HEXIM1: variants seen among roughly 807,000 people sequenced by gnomAD.
HEXIM1 encodes protein HEXIM1.
Under a neutral mutation model 30.3 loss-of-function variants are expected in HEXIM1, and 1 was observed. That is an observed-to-expected ratio of 0.03 (90% confidence interval 0.01 to 0.16). The LOEUF is 0.16. HEXIM1 is among the 10% of genes least tolerant of loss of function. The pLI is 1.00. For synonymous variants in HEXIM1, 245 were observed against 208.3 expected, an observed-to-expected ratio of 1.18 and a Z score of -1.52; for missense variants, 391 against 476.4, an observed-to-expected ratio of 0.82 and a Z score of 1.67.
At position 45,148,667 on chromosome 17, in the gene HEXIM1, C is replaced by T. The variant is rs1481064118; in HGVS notation, c.-524C>T. On this transcript the variant is annotated 5_prime_UTR_variant, in exon 1 of 1. Transcript: ENST00000332499. ...TCCTCTGCTGAGGCTACGGCCGGGCCTAGGGAACTGGGAGCTTGGGTGGAA... is the reference window on the plus strand; with the variant it reads ...TCCTCTGCTGAGGCTACGGCCGGGCTTAGGGAACTGGGAGCTTGGGTGGAA... The T allele has an allele frequency of 2.5e-6, 1 of 400,862 alleles. No homozygotes were observed. Among genetic ancestry groups the T allele is most frequent in the African/African-American group, 2.1e-5 (1 of 48,618 alleles). 24.8% of individuals were successfully genotyped at this position (400,862 alleles called of 1,614,324 possible).
rs775768080 is a variant in HEXIM1 at position 45,148,497 on chromosome 17, G to A, written c.-694G>A. The A allele has an allele frequency of 5.3e-5, 21 of 398,154 alleles. No homozygotes were observed. Among genetic ancestry groups the A allele is most frequent in the Non-Finnish European group, 8.9e-5 (20 of 225,924 alleles). The allele number at this position is 398,154 out of a possible 1,614,324, so 24.7% of individuals were successfully genotyped here. On this transcript the variant is annotated 5_prime_UTR_variant, in exon 1 of 1. Transcript: ENST00000332499. ...GACAGCAGTTGGAAGTTGGCAGGTG[G>A]AGAGGCAGGTTGGGAGGGAAAGTCG... is the stretch of plus-strand genomic sequence containing the variant.
chr17:45,150,057 G>A lies in HEXIM1; in HGVS notation c.867G>A (p.Lys289=), dbSNP rs1358035829. 6.8e-6 allele frequency: 11 copies of A among 1,614,026 alleles called. No homozygotes were observed. The highest frequency in any genetic ancestry group is 5.0e-5 in the Admixed American group (3 of 60,028). Residue 289 remains lysine, a synonymous_variant, in exon 1 of 1, where the codon AAG becomes AAA. Transcript: ENST00000332499. ...LQNMSKQELI[K]EYLELEKCLS... ...ACATGAGCAAGCAGGAGCTCATCAA[G>A]GAGTACCTGGAACTGGAGAAGTGCC...
Position 45,150,351 on chromosome 17 carries a change from A to T in HEXIM1, c.*81A>T. 1.4e-6 allele frequency: 2 copies of T among 1,466,054 alleles called. No individual in the cohort carries two copies. Among genetic ancestry groups the T allele is most frequent in the Non-Finnish European group, 9.2e-7 (1 of 1,083,752 alleles). 90.8% of individuals were successfully genotyped at this position (1,466,054 alleles called of 1,614,324 possible). A position where few individuals can be genotyped will look rare whatever the true frequency, so the allele number is the denominator to read the frequency against. ...AACATTATATACATGTGTATATAAG[A>T]CAGTGGACCTTTTTATGACACATAA... On this transcript the variant is annotated 3_prime_UTR_variant, in exon 1 of 1. Coordinates refer to ENST00000332499, the MANE Select transcript of HEXIM1 (RefSeq NM_006460.3).
Position 45,150,098 on chromosome 17 carries a change from A to C in HEXIM1, c.908A>C (p.Asp303Ala). 1 of 1,613,846 alleles carries C rather than the reference A, an allele frequency of 6.2e-7. No individual in the cohort carries two copies. Among genetic ancestry groups the C allele is most frequent in the Non-Finnish European group, 8.5e-7 (1 of 1,180,022 alleles). ...ELEKCLSRME[D>A]ENNRLRLESK... is the part of the protein sequence containing the mutation. ...GAGAAGTGCCTCTCGCGCATGGAGGACGAGAACAACCGGCTGCGGCTGGAG... is the reference window on the plus strand; with the variant it reads ...GAGAAGTGCCTCTCGCGCATGGAGGCCGAGAACAACCGGCTGCGGCTGGAG... Residue 303 changes from aspartate (D) to alanine (A), a missense_variant, in exon 1 of 1, where the codon GAC (aspartate) becomes GCC (alanine). Around this residue, in one of 5 missense-constraint regions of HEXIM1, gnomAD observed 73 missense variants for 80.9 expected, o/e 0.90. Coordinates refer to ENST00000332499, the MANE Select transcript of HEXIM1 (RefSeq NM_006460.3).
At position 45,150,445 on chromosome 17, in the gene HEXIM1, GTTCT is replaced by G. The variant is rs1404585421; in HGVS notation, c.*178_*181del. The G allele has an allele frequency of 1.5e-6, 1 of 653,740 alleles. No homozygotes were observed. The highest frequency in any genetic ancestry group is 2.5e-6 in the Non-Finnish European group (1 of 392,576). 40.5% of individuals were successfully genotyped at this position (653,740 alleles called of 1,614,324 possible). A position where few individuals can be genotyped will look rare whatever the true frequency, so the allele number is the denominator to read the frequency against. ...ATATGTAGCTTGCGTGCTTTCTCCTGTTCTTTTAATTATGTGAAACTGAAGAGTT... is the reference window on the plus strand; with the variant it reads ...ATATGTAGCTTGCGTGCTTTCTCCTGTTTAATTATGTGAAACTGAAGAGTT... On this transcript the variant is annotated 3_prime_UTR_variant, in exon 1 of 1. Transcript: ENST00000332499.
At position 45,150,786 on chromosome 17, in the gene HEXIM1, T is replaced by C. The variant is rs1030224175; in HGVS notation, c.*516T>C. 3 of 168,924 alleles carry C rather than the reference T, an allele frequency of 1.8e-5. No individual in the cohort carries two copies. Among genetic ancestry groups the C allele is most frequent in the African/African-American group, 7.2e-5 (3 of 41,430 alleles). 10.5% of individuals were successfully genotyped at this position (168,924 alleles called of 1,614,324 possible). The stretch of plus-strand genomic sequence containing the variant: ...AAATATCAATCTTTAATGGGAGAAT[T>C]TTCAATTTGCCAATTTTTTCCTTGA... On this transcript the variant is annotated 3_prime_UTR_variant, in exon 1 of 1. Coordinates refer to ENST00000332499, the MANE Select transcript of HEXIM1 (RefSeq NM_006460.3).
rs760170895 is a variant in HEXIM1 at position 45,149,356 on chromosome 17, G to C, written c.166G>C (p.Gly56Arg). 4 of 1,613,368 alleles carry C rather than the reference G, an allele frequency of 2.5e-6. No homozygotes were observed. The African/African-American group carries it at 5.3e-5, about 22-fold the overall frequency. ...RWQSRAFPQL[G>R]GRPGPEGEGS... Reference sequence around the variant, plus strand: ...GCAATCGAGAGCGTTCCCCCAGTTGGGTGGCCGTCCGGGGCCGGAGGGGGA... The same window carrying C: ...GCAATCGAGAGCGTTCCCCCAGTTGCGTGGCCGTCCGGGGCCGGAGGGGGA... Residue 56 changes from glycine to arginine, a missense_variant, in exon 1 of 1, where the codon GGT becomes CGT. By Grantham distance (125) the Gly-to-Arg change is moderately radical (BLOSUM62 -2). Around this residue, in one of 5 missense-constraint regions of HEXIM1, gnomAD observed 230 missense variants for 199.4 expected, o/e 1.15. Transcript: ENST00000332499. This position sits in a 1 kb window ranked among gnomAD's most constrained non-coding sequence, Gnocchi z 5.3.
chr17:45,149,148 C>G lies in HEXIM1; in HGVS notation c.-43C>G. 5 of 1,496,038 alleles carry G rather than the reference C, an allele frequency of 3.3e-6. No homozygotes were observed. In the South Asian group the frequency reaches 6.5e-5, roughly 19 times the overall value. 92.7% of individuals were successfully genotyped at this position (1,496,038 alleles called of 1,614,324 possible). A position where few individuals can be genotyped will look rare whatever the true frequency, so the allele number is the denominator to read the frequency against. On this transcript the variant is annotated 5_prime_UTR_variant, in exon 1 of 1. Coordinates refer to ENST00000332499, the MANE Select transcript of HEXIM1 (RefSeq NM_006460.3). The surrounding 1 kb of genome is among the most constrained non-coding windows in gnomAD (Gnocchi z 5.3). ...AAAAACCCATTTTTTTCCTTAAGGA[C>G]TTACTAGCCAAAATTTCTTAAACTT...
Position 45,149,165 on chromosome 17 carries a change from CTTA to C in HEXIM1, c.-25_-23del, listed in dbSNP as rs1267432787. The C allele has an allele frequency of 6.8e-7, 1 of 1,463,344 alleles. No individual in the cohort carries two copies. Among genetic ancestry groups the C allele is most frequent in the Non-Finnish European group, 9.0e-7 (1 of 1,105,842 alleles). 90.6% of individuals were successfully genotyped at this position (1,463,344 alleles called of 1,614,324 possible). Reference sequence around the variant, plus strand: ...CTTAAGGACTTACTAGCCAAAATTTCTTAAACTTCGAGGACTCTACTAGCCATG... The same window carrying C: ...CTTAAGGACTTACTAGCCAAAATTTCAACTTCGAGGACTCTACTAGCCATG... On this transcript the variant is annotated 5_prime_UTR_variant, in exon 1 of 1. Transcript: ENST00000332499. This position sits in a 1 kb window ranked among gnomAD's most constrained non-coding sequence, Gnocchi z 5.3.
In HEXIM1 at chr17:45,148,775, G is replaced by T; in HGVS notation, c.-416G>T. 2.5e-6 allele frequency: 1 copy of T among 402,986 alleles called. No homozygotes were observed. 25.0% of individuals were successfully genotyped at this position (402,986 alleles called of 1,614,324 possible). A position where few individuals can be genotyped will look rare whatever the true frequency, so the allele number is the denominator to read the frequency against. ...TGCGGCAGGGGATTTAACCCTTTGT[G>T]GATCTGGCCCCTCGGAGGCAGCGTC... On this transcript the variant is annotated 5_prime_UTR_variant, in exon 1 of 1. Transcript: ENST00000332499.
Position 45,148,558 on chromosome 17 carries a change from A to AGGAG in HEXIM1, c.-623_-620dup, listed in dbSNP as rs2055520973. ...CGGAAGAGGAGCTGTGGGAAGGGGG[A>AGGAG]GGAGGGAGGGAGGAAAAGAGGAGGA... On this transcript the variant is annotated 5_prime_UTR_variant, in exon 1 of 1. Transcript: ENST00000332499. The AGGAG allele has an allele frequency of 1.5e-5, 5 of 331,680 alleles. No homozygotes were observed. The highest frequency in any genetic ancestry group is 3.1e-4 in the South Asian group (2 of 6,442). 20.5% of individuals were successfully genotyped at this position (331,680 alleles called of 1,614,324 possible).
At position 45,150,318 on chromosome 17, in the gene HEXIM1, T is replaced by G; in HGVS notation, c.*48T>G. 6.3e-7 allele frequency: 1 copy of G among 1,581,084 alleles called. No individual in the cohort carries two copies. The highest frequency in any genetic ancestry group is 8.6e-7 in the Non-Finnish European group (1 of 1,161,672). ...GGGCAAAGGGGACTTTTTACAGTGA[T>G]GGAATGTAACATTATATACATGTGT... On this transcript the variant is annotated 3_prime_UTR_variant, in exon 1 of 1. Transcript: ENST00000332499.
rs1312768343 is a variant in HEXIM1 at position 45,150,942 on chromosome 17, A to G, written c.*672A>G. ...ATGCTGGAAAAATAAACAAACCGGT[A>G]TTGAGTGTTTAGGCGAGTGGAAAGT... is the stretch of plus-strand genomic sequence containing the variant. On this transcript the variant is annotated 3_prime_UTR_variant, in exon 1 of 1. Transcript: ENST00000332499. 1.8e-5 allele frequency: 3 copies of G among 167,162 alleles called. No homozygotes were observed. The highest frequency in any genetic ancestry group is 4.4e-5 in the Non-Finnish European group (3 of 68,110). The allele number at this position is 167,162 out of a possible 1,614,324, so 10.4% of individuals were successfully genotyped here. A position where few individuals can be genotyped will look rare whatever the true frequency, so the allele number is the denominator to read the frequency against.
Position 45,149,565 on chromosome 17 carries a change from C to T in HEXIM1, c.375C>T (p.Ser125=), listed in dbSNP as rs200239219. Residue 125 remains serine, a synonymous_variant, in exon 1 of 1, where the codon TCC becomes TCT. Coordinates refer to ENST00000332499, the MANE Select transcript of HEXIM1 (RefSeq NM_006460.3). The surrounding 1 kb of genome is among the most constrained non-coding windows in gnomAD (Gnocchi z 5.3). The part of the protein sequence containing the change: ...AELLAQPCHD[S]EASKLGAPAA... ...TGCTCGCCCAGCCTTGTCATGACTC[C>T]GAGGCCAGTAAGTTGGGGGCTCCTG... The T allele has an allele frequency of 1.5e-4, 247 of 1,608,066 alleles. 2 individuals are homozygous for T. In the East Asian group the frequency reaches 1.8e-3, roughly 12 times the overall value.
At position 45,151,570 on chromosome 17, in the gene HEXIM1, A is replaced by G. The variant is rs1455990073; in HGVS notation, c.*1300A>G. The G allele has an allele frequency of 6.0e-6, 1 of 167,096 alleles. No individual in the cohort carries two copies. Among genetic ancestry groups the G allele is most frequent in the Non-Finnish European group, 1.5e-5 (1 of 68,122 alleles). The allele number at this position is 167,096 out of a possible 1,614,324, so 10.4% of individuals were successfully genotyped here. A position where few individuals can be genotyped will look rare whatever the true frequency, so the allele number is the denominator to read the frequency against. On this transcript the variant is annotated 3_prime_UTR_variant, in exon 1 of 1. Transcript: ENST00000332499. ...TTGCCCCAAAATAAAAACAGAAATT[A>G]TGAGATTGCCTCCTGTCATTTTGGT...
Position 45,149,274 on chromosome 17 carries a change from G to T in HEXIM1, c.84G>T (p.Leu28=). ...GTGCTGCTGCTGTCCAGGAAGAGCT[G>T]AACCCTGAGCGCCCCCCAGGCGCGG... ...CTGAAAVQEE[L]NPERPPGAEE... is the part of the protein sequence containing the mutation. The change falls in exon 1 of 1, where the codon CTG becomes CTT. Residue 28 remains leucine, a synonymous_variant. Coordinates refer to ENST00000332499, the MANE Select transcript of HEXIM1 (RefSeq NM_006460.3). This position sits in a 1 kb window ranked among gnomAD's most constrained non-coding sequence, Gnocchi z 5.3. 1 of 1,613,830 alleles carries T rather than the reference G, an allele frequency of 6.2e-7. No individual in the cohort carries two copies. Among genetic ancestry groups the T allele is most frequent in the Non-Finnish European group, 8.5e-7 (1 of 1,180,036 alleles).
At position 45,148,521 on chromosome 17, in the gene HEXIM1, C is replaced by A. The variant is rs781068350; in HGVS notation, c.-670C>A. 2 of 253,744 alleles carry A rather than the reference C, an allele frequency of 7.9e-6. No individual in the cohort carries two copies. The highest frequency in any genetic ancestry group is 2.2e-4 in the South Asian group (1 of 4,454). 15.7% of individuals were successfully genotyped at this position (253,744 alleles called of 1,614,324 possible). On this transcript the variant is annotated 5_prime_UTR_variant, in exon 1 of 1. Coordinates refer to ENST00000332499, the MANE Select transcript of HEXIM1 (RefSeq NM_006460.3). ...GGAGAGGCAGGTTGGGAGGGAAAGT[C>A]GGGGGAGGACGCGGAAGAGGAGCTG...
chr17:45,150,024 C>T lies in HEXIM1; in HGVS notation c.834C>T (p.Ser278=). The T allele has an allele frequency of 6.2e-7, 1 of 1,614,024 alleles. No homozygotes were observed. The highest frequency in any genetic ancestry group is 2.2e-5 in the East Asian group (1 of 44,888). Residue 278 remains serine, a synonymous_variant, in exon 1 of 1, where the codon AGC becomes AGT. Transcript: ENST00000332499. ...SETYERYHTE[S]LQNMSKQELI... ...CGTACGAGCGGTACCACACGGAGAGCCTGCAGAACATGAGCAAGCAGGAGC... is the reference window on the plus strand; with the variant it reads ...CGTACGAGCGGTACCACACGGAGAGTCTGCAGAACATGAGCAAGCAGGAGC...
rs994007179 is a variant in HEXIM1, at chr17:45,151,928, T to C, written c.*1658T>C. The C allele has an allele frequency of 6.0e-6, 1 of 167,080 alleles. No homozygotes were observed. The highest frequency in any genetic ancestry group is 1.5e-5 in the Non-Finnish European group (1 of 68,124). 10.3% of individuals were successfully genotyped at this position (167,080 alleles called of 1,614,324 possible). Reference sequence around the variant, plus strand: ...AGAGTAAAATGCACCTTGTATTGCATAAGAAGCATACACAAATCAATAAAT... The same window carrying C: ...AGAGTAAAATGCACCTTGTATTGCACAAGAAGCATACACAAATCAATAAAT... On this transcript the variant is annotated 3_prime_UTR_variant, in exon 1 of 1. Transcript: ENST00000332499.
Sources: gnomAD v4.1 joint callset for allele counts on GRCh38, gnomAD v4.1.1 for gene constraint, gnomAD v4.1.1 regional missense constraint, Gnocchi (gnomAD v3.1) non-coding constraint, MANE v1.5 for transcripts, NCBI Gene and HGNC (gene_info 2026-07-23, HGNC 2026-07-21) for gene names.